SETD3: variants seen among roughly 807,000 people sequenced by gnomAD.
SETD3 encodes actin-histidine N-methyltransferase.
A neutral mutation model predicts 63.0 loss-of-function variants in SETD3; 19 were observed. That is an observed-to-expected ratio of 0.30 (90% CI 0.21 to 0.44). SETD3 has a LOEUF of 0.44. Among genes scored for constraint, SETD3 ranks in the 20% least tolerant of loss-of-function variants. The pLI is 1.00. For synonymous variants in SETD3, 286 were observed against 264.1 expected, an observed-to-expected ratio of 1.08 and a Z score of -0.80; for missense variants, 587 against 728.5, an observed-to-expected ratio of 0.81 and a Z score of 2.24.
intron 6 of SETD3, among the ~76,000 whole-genome samples, chr14:99,425,362 A>T (rs1330950343): frequency 6.6e-6 from 1 of 152,216 alleles, no homozygotes; most frequent in Non-Finnish European, 1.5e-5. Flanking sequence ...AAGAACACGA[A>T]AGGCCTGCCA....
chr14:99,435,464 C>T (rs1020475730), intron 6 of SETD3, among the ~76,000 whole-genome samples: 7 of 152,116 alleles, frequency 4.6e-5, no homozygotes, highest in African/African-American at 1.4e-4. Context: ...TTCAACAGAA[C>T]GGAGCTGAAG....
intron 8 of SETD3, chr14:99,411,804 C>T (rs557663458): frequency 6.6e-6 from 1 of 152,192 alleles, no homozygotes; most frequent in East Asian, 1.9e-4. Flanking sequence ...TTTTAGTATT[C>T]ATTACTAATT....
At chr14:99,461,413 T>C in intron 3 of SETD3, 73 bp from the exon 4 acceptor site, 2 of 1,473,512 alleles carry the variant, frequency 1.4e-6, no homozygotes, top group Non-Finnish European at 9.2e-7. Flanking sequence ...TCTCAGAAAA[T>C]AAAAACAGGC....
chr14:99,451,041 G>C (rs1224524994), intron 6 of SETD3, among the ~76,000 whole-genome samples: 1 of 152,160 alleles, frequency 6.6e-6, no homozygotes, highest in Non-Finnish European at 1.5e-5. Context: ...CATTGGCATA[G>C]ATGAAAAACA....
intron 6 of SETD3, among the ~76,000 whole-genome samples, chr14:99,423,971 T>C (rs1204891505): frequency 2.0e-5 from 3 of 152,130 alleles, no homozygotes; most frequent in Non-Finnish European, 2.9e-5. Context: ...TTTTTTTTTT[T>C]CCAGAGGAAA....
chr14:99,485,766 A>G (rs1018533711), upstream of SETD3, among the ~76,000 whole-genome samples: 3 of 152,318 alleles, frequency 2.0e-5, no homozygotes, highest in East Asian at 1.9e-4. Context: ...AGGCTGAGGC[A>G]GGAGAATCAC....
intron 6 of SETD3, among the ~76,000 whole-genome samples, chr14:99,447,014 C>T (rs1198633443): frequency 6.6e-6 from 1 of 151,430 alleles, no homozygotes; most frequent in Non-Finnish European, 1.5e-5. Context: ...ACTCTGTCAC[C>T]CAGGCTAGAG....
At chr14:99,481,459 G>A (rs1321482340), upstream of SETD3, 3 of 398,592 alleles carry the variant, frequency 7.5e-6, no homozygotes, top group Non-Finnish European at 1.3e-5. Flanking sequence ...ACGTCGCTGA[G>A]GGGCTTGCCT....
intron 1 of SETD3, among the ~76,000 whole-genome samples, chr14:99,475,345 TATA>T (rs1477795336): frequency 6.6e-6 from 1 of 152,250 alleles, no homozygotes; most frequent in African/African-American, 2.4e-5. Flanking sequence ...CTGAGAAGGA[TATA>T]AGACAGGCAG....
Position 99,398,989 on chromosome 14 carries a change from T to A in SETD3, c.1475A>T (p.Gln492Leu). 6.2e-7 allele frequency: 1 copy of A among 1,614,246 alleles called. No individual in the cohort carries two copies. The highest frequency in any genetic ancestry group is 1.3e-5 in the African/African-American group (1 of 75,068). Reference sequence around the variant, plus strand: ...GGGAAGCGGAGCCTTTTCCTCCATCTGTTGGCGATAGTATTCCCGGTTGAC... The same window carrying A: ...GGGAAGCGGAGCCTTTTCCTCCATCAGTTGGCGATAGTATTCCCGGTTGAC... ...AAVNREYYRQ[Q>L]MEEKAPLPKY... The change falls in exon 13 of 13, where the codon CAG becomes CTG. Residue 492 changes from glutamine to leucine, a missense_variant. Physicochemically the swap from Gln to Leu is moderately radical, Grantham distance 113 (BLOSUM62 -2). Transcript: ENST00000331768.
chr14:99,431,584 C>A (rs990758083), intron 6 of SETD3, among the ~76,000 whole-genome samples: 1 of 151,970 alleles, frequency 6.6e-6, no homozygotes, highest in Admixed American at 6.5e-5. Context: ...CTCCACTTCC[C>A]GGGTTCAAGC....
At chr14:99,414,506 G>A (rs895656468) in intron 6 of SETD3, among the ~76,000 whole-genome samples, 16 of 152,208 alleles carry the variant, frequency 1.1e-4, no homozygotes, top group African/African-American at 3.9e-4. Context: ...GGAAAATCAG[G>A]AGAAGTGCAG....
At position 99,461,293 on chromosome 14, in the gene SETD3, G is replaced by C. The variant is rs1000790341; in HGVS notation, c.244C>G (p.Leu82Val). 2 of 1,614,020 alleles carry C rather than the reference G, an allele frequency of 1.2e-6. No homozygotes were observed. Among genetic ancestry groups the C allele is most frequent in the African/African-American group, 2.7e-5 (2 of 74,898 alleles). The change falls in exon 4 of 13, where the codon CTA (leucine) becomes GTA (valine). Residue 82 changes from leucine (L) to valine (V), a missense_variant. By Grantham distance (32) the Leu-to-Val change is conservative. Transcript: ENST00000331768. Reference sequence around the variant, plus strand: ...CCATTTTCAGAGGCCCATTTCATTAGATCAGGAAAGTAATCTTCTCTTTTT... The same window carrying C: ...CCATTTTCAGAGGCCCATTTCATTACATCAGGAAAGTAATCTTCTCTTTTT... ...DGKREDYFPD[L>V]MKWASENGAS...
At chr14:99,420,727 A>C (rs1892540482) in intron 6 of SETD3, among the ~76,000 whole-genome samples, 1 of 152,030 alleles carries the variant, frequency 6.6e-6, no homozygotes, top group South Asian at 2.1e-4. Context: ...CACATTTGAG[A>C]AAGCTCTATT....
intron 8 of SETD3, 77 bp from the exon 9 acceptor site, chr14:99,406,667 G>T: frequency 7.0e-7 from 1 of 1,418,720 alleles, no homozygotes; most frequent in South Asian, 1.2e-5. Context: ...GCTTGTTTCT[G>T]GCAATCAGAG....
At chr14:99,484,907 G>A (rs983980668), upstream of SETD3, among the ~76,000 whole-genome samples, 8 of 152,176 alleles carry the variant, frequency 5.3e-5, no homozygotes, top group African/African-American at 1.9e-4. Flanking sequence ...ATTCCTGAAA[G>A]GTGCTGCTAA....
At chr14:99,448,503 T>C (rs1321297040) in intron 6 of SETD3, among the ~76,000 whole-genome samples, 1 of 152,194 alleles carries the variant, frequency 6.6e-6, no homozygotes, top group Non-Finnish European at 1.5e-5. Flanking sequence ...CCAGCCAACC[T>C]AGATGAACAA....
At chr14:99,436,284 G>A (rs1176014850) in intron 6 of SETD3, among the ~76,000 whole-genome samples, 3 of 152,184 alleles carry the variant, frequency 2.0e-5, no homozygotes, top group Middle Eastern at 3.4e-3. Flanking sequence ...AGTGACTCCC[G>A]GGAAAGTTCA....
At position 99,473,564 on chromosome 14, in the gene SETD3, T is replaced by C. The variant is rs148536908; in HGVS notation, c.-9+7164A>G. Among the ~76,000 whole-genome samples, 883 of 152,288 alleles carry C rather than the reference T, an allele frequency of 5.8e-3. 9 individuals are homozygous for C. Among genetic ancestry groups the C allele is most frequent in the African/African-American group, 0.02 (846 of 41,548 alleles). ...AGCACAGCATCTGTTTTTCAATGTA[T>C]CCTGCATTGACCCAACTTCACAGCT... On this transcript the variant is annotated intron_variant, in intron 1 of 12. Coordinates refer to ENST00000331768, the MANE Select transcript of SETD3 (RefSeq NM_032233.3).
Sources: gnomAD v4.1 joint callset for allele counts (sites outside exome capture counted in the v4.1 genomes callset) on GRCh38, gnomAD v4.1.1 for gene constraint, MANE v1.5 for transcripts, NCBI Gene and HGNC (gene_info 2026-07-23, HGNC 2026-07-21) for gene names.